Variants in MCTP1 observed in about 807,000 individuals in gnomAD.
MCTP1 encodes multiple C2 and transmembrane domain-containing protein 1.
MCTP1 carries 69 observed loss-of-function variants against 120.6 expected under a neutral mutation model. The observed-to-expected ratio is 0.57, with a 90% CI of 0.47 to 0.70. The LOEUF is 0.70. MCTP1 is among the 30% of genes least tolerant of loss of function. The pLI, the probability that MCTP1 is intolerant of heterozygous loss-of-function variation, is 0.00. For missense variants in MCTP1, 1,203 were observed against 1,248.8 expected, an observed-to-expected ratio of 0.96 and a Z score of 0.55; for synonymous variants, 529 against 493.1, an observed-to-expected ratio of 1.07 and a Z score of -0.96.
At chr5:94,779,081 G>T in intron 19 of MCTP1, 29 bp downstream of exon 19, 1 of 1,597,546 alleles carries the variant, frequency 6.3e-7, no homozygotes, top group Non-Finnish European at 8.6e-7. Flanking sequence ...CCCATCCCCA[G>T]GTACCCAAGT....
intron 19 of MCTP1, among the ~76,000 whole-genome samples, chr5:94,729,679 G>A (rs994172784): frequency 4.6e-5 from 7 of 152,298 alleles, no homozygotes; most frequent in Middle Eastern, 3.4e-3. Context: ...AGAAGTGCAC[G>A]TAGTACAAAT....
intron 1 of MCTP1, among the ~76,000 whole-genome samples, chr5:95,157,888 T>A (rs1745302212): frequency 6.6e-6 from 1 of 152,170 alleles, no homozygotes; most frequent in Non-Finnish European, 1.5e-5. Flanking sequence ...ACGCCGGCAA[T>A]GTTGAGTTGT....
chr5:94,931,687 A>G, intron 6 of MCTP1: 1 of 364,668 alleles, frequency 2.7e-6, no homozygotes. Flanking sequence ...AATTTTCTAG[A>G]CCCTGTTGCA....
chr5:95,273,103 C>G (rs1160045570), intron 1 of MCTP1, among the ~76,000 whole-genome samples: 2 of 152,382 alleles, frequency 1.3e-5, no homozygotes, highest in East Asian at 3.9e-4. Context: ...GGCAACTGTT[C>G]TGTGGTGACC....
intron 1 of MCTP1, among the ~76,000 whole-genome samples, chr5:95,265,908 G>A (rs1758844180): frequency 6.6e-6 from 1 of 152,236 alleles, no homozygotes; most frequent in African/African-American, 2.4e-5. Context: ...GCTTCTATTA[G>A]ATATCTCAGT....
At chr5:95,160,147 T>G (rs1411974713) in intron 1 of MCTP1, among the ~76,000 whole-genome samples, 1 of 152,220 alleles carries the variant, frequency 6.6e-6, no homozygotes. Context: ...ACTGAAGTTT[T>G]GTAATCAAAG....
intron 3 of MCTP1, among the ~76,000 whole-genome samples, chr5:94,947,523 T>C (rs1819250781): frequency 7.3e-6 from 1 of 137,764 alleles, no homozygotes; most frequent in Admixed American, 7.7e-5. Context: ...AATTTCAAAA[T>C]AATCTAAAAA....
At chr5:94,715,600 G>A (rs1758931606) in intron 19 of MCTP1, among the ~76,000 whole-genome samples, 1 of 152,092 alleles carries the variant, frequency 6.6e-6, no homozygotes, top group Non-Finnish European at 1.5e-5. Context: ...TGTGCTCCAG[G>A]TAATGGATGG....
intron 1 of MCTP1, among the ~76,000 whole-genome samples, chr5:95,201,914 C>T (rs1454896096): frequency 6.6e-6 from 1 of 152,146 alleles, no homozygotes; most frequent in East Asian, 1.9e-4. Context: ...GGTATTGCTA[C>T]TCTGTGTTCT....
intron 19 of MCTP1, among the ~76,000 whole-genome samples, chr5:94,734,519 G>A (rs1259164269): frequency 1.3e-5 from 2 of 152,170 alleles, no homozygotes; most frequent in Non-Finnish European, 2.9e-5. Context: ...GCCTGATCTG[G>A]AATCTGTTAT....
At chr5:95,108,185 A>G (rs973686358) in intron 1 of MCTP1, among the ~76,000 whole-genome samples, 2 of 152,192 alleles carry the variant, frequency 1.3e-5, no homozygotes, top group African/African-American at 4.8e-5. Context: ...TCCTAGTAAC[A>G]GTTTCTCTAA....
chr5:94,851,868 G>A (rs985029566), intron 17 of MCTP1, among the ~76,000 whole-genome samples: 1 of 151,824 alleles, frequency 6.6e-6, no homozygotes, highest in Admixed American at 6.6e-5. Context: ...TTTAGAAGTA[G>A]GAGTGAAGGT....
chr5:95,108,664 C>T (rs1434102985), intron 1 of MCTP1, among the ~76,000 whole-genome samples: 3 of 152,212 alleles, frequency 2.0e-5, no homozygotes, highest in Non-Finnish European at 4.4e-5. Flanking sequence ...TGGTAAGTCA[C>T]CCTTAGCTAG....
chr5:95,176,583 T>A (rs1335998522), intron 1 of MCTP1, among the ~76,000 whole-genome samples: 1 of 152,128 alleles, frequency 6.6e-6, no homozygotes, highest in Non-Finnish European at 1.5e-5. Context: ...AAGTTTTCAT[T>A]TAAAAATACA....
chr5:95,007,086 C>T (rs1396952678), intron 2 of MCTP1, among the ~76,000 whole-genome samples: 1 of 152,158 alleles, frequency 6.6e-6, no homozygotes, highest in Non-Finnish European at 1.5e-5. Context: ...CAAACACCTC[C>T]TTCTTCACAT....
At chr5:94,826,682 A>G in intron 17 of MCTP1, 3 of 633,040 alleles carry the variant, frequency 4.7e-6, no homozygotes, top group Non-Finnish European at 5.6e-6. Flanking sequence ...TTCTTCTCTT[A>G]TACACACTCC....
At chr5:95,120,078 G>A (rs1758102660) in intron 1 of MCTP1, among the ~76,000 whole-genome samples, 2 of 150,412 alleles carry the variant, frequency 1.3e-5, no homozygotes, top group Non-Finnish European at 3.0e-5. Flanking sequence ...TCAGGAGGCT[G>A]AGGCAGGAGA....
chr5:94,760,268 C>T (rs916922954), intron 19 of MCTP1, among the ~76,000 whole-genome samples: 1 of 152,042 alleles, frequency 6.6e-6, no homozygotes, highest in Non-Finnish European at 1.5e-5. Context: ...GACCTTGATT[C>T]AGAAACTATA....
chr5:94,754,901 T>C (rs1484792296), intron 19 of MCTP1, among the ~76,000 whole-genome samples: 1 of 152,182 alleles, frequency 6.6e-6, no homozygotes, highest in Non-Finnish European at 1.5e-5. Context: ...TATAGGGATG[T>C]TGTTGGACCT....
Sources: gnomAD v4.1 joint callset for allele counts (sites outside exome capture counted in the v4.1 genomes callset) on GRCh38, gnomAD v4.1.1 for gene constraint, MANE v1.5 for transcripts, NCBI Gene and HGNC (gene_info 2026-07-23, HGNC 2026-07-21) for gene names.